TRHR: variants seen among roughly 807,000 people sequenced by gnomAD.
TRHR encodes thyrotropin-releasing hormone receptor.
In TRHR, 14 loss-of-function variants were observed where a neutral mutation model predicts 28.0. The ratio of observed to expected loss-of-function variants is 0.50; its 90% confidence interval spans 0.33 to 0.78. TRHR has a LOEUF of 0.78. Ranked by LOEUF, TRHR falls within the 30% of genes least tolerant of loss-of-function variation. The pLI, the probability that TRHR is intolerant of heterozygous loss-of-function variation, is 0.02. For synonymous variants in TRHR, 176 were observed against 171.9 expected (o/e 1.02, Z -0.18); for missense variants, 438 against 469.5 (o/e 0.93, Z 0.62).
At chr8:109,104,787 T>G (rs944992861) in intron 2 of TRHR, among the ~76,000 whole-genome samples, 1 of 151,974 alleles carries the variant, frequency 6.6e-6, no homozygotes, top group Non-Finnish European at 1.5e-5. Context: ...ACTTCAAGCA[T>G]CACTATTTAA....
intron 2 of TRHR, among the ~76,000 whole-genome samples, chr8:109,114,173 C>G (rs992647430): frequency 1.9e-4 from 29 of 152,062 alleles, no homozygotes; most frequent in Non-Finnish European, 7.4e-5. Flanking sequence ...AAATTTCCAG[C>G]TGATATTCAC....
chr8:109,089,867 A>G (rs1360393397), intron 2 of TRHR, among the ~76,000 whole-genome samples: 1 of 152,232 alleles, frequency 6.6e-6, no homozygotes, highest in Non-Finnish European at 1.5e-5. Context: ...ATTAGACTCC[A>G]ATTTGCATTC....
rs397691686 is a variant in TRHR at position 109,121,082 on chromosome 8, C to CTT, written c.*1638_*1639dup. 0.17 allele frequency among the ~76,000 whole-genome samples: 24,177 copies of CTT among 144,214 alleles called. 2,874 individuals carry two copies. Among genetic ancestry groups the CTT allele is most frequent in the African/African-American group, 0.34 (13,330 of 39,546 alleles). 94.6% of individuals were successfully genotyped at this position (144,214 alleles called of 152,430 possible). A position where few individuals can be genotyped will look rare whatever the true frequency, so the allele number is the denominator to read the frequency against. On this transcript the variant is annotated 3_prime_UTR_variant, in exon 3 of 3. Coordinates refer to ENST00000518632, the MANE Select transcript of TRHR (RefSeq NM_003301.7). ...ATCCAGAACCTCATTCTAGAGTGCG[C>CTT]TTTTTTTTTTTTGAAAATTGGCCTT...
chr8:109,087,547 C>T lies in TRHR; in HGVS notation c.35C>T (p.Thr12Ile), dbSNP rs746725588. ...ENETVSELNQTQLQPRAVVAL... is the reference protein window; with the variant it reads ...ENETVSELNQIQLQPRAVVAL... ...GAGACAGTCAGTGAACTGAACCAAA[C>T]ACAGCTTCAGCCACGAGCAGTGGTG... is the stretch of plus-strand genomic sequence containing the variant. The change falls in exon 2 of 3, where the codon ACA (threonine) becomes ATA (isoleucine). Residue 12 changes from threonine to isoleucine, a missense_variant. Thr to Ile is a moderately conservative substitution (Grantham distance 89). Coordinates refer to ENST00000518632, the MANE Select transcript of TRHR (RefSeq NM_003301.7). 1.7e-5 allele frequency: 27 copies of T among 1,614,110 alleles called. No individual in the cohort carries two copies. Among genetic ancestry groups the T allele is most frequent in the Non-Finnish European group, 2.2e-5 (26 of 1,180,054 alleles).
intron 2 of TRHR, among the ~76,000 whole-genome samples, chr8:109,090,945 CAG>C (rs1023229047): frequency 6.6e-6 from 1 of 151,696 alleles, no homozygotes; most frequent in Non-Finnish European, 1.5e-5. Context: ...GAGAAAGAGA[CAG>C]AGAGACAGAG....
intron 2 of TRHR, among the ~76,000 whole-genome samples, chr8:109,111,259 A>G: frequency 6.6e-6 from 1 of 152,216 alleles, no homozygotes; most frequent in East Asian, 1.9e-4. Flanking sequence ...AGAGCTTCCA[A>G]TTAGTGTGGA....
chr8:109,115,173 T>C (rs1811901107), intron 2 of TRHR, among the ~76,000 whole-genome samples: 1 of 152,166 alleles, frequency 6.6e-6, no homozygotes, highest in African/African-American at 2.4e-5. Context: ...CATTGATCTA[T>C]ATCTCTGTTT....
intron 2 of TRHR, among the ~76,000 whole-genome samples, chr8:109,095,407 C>A (rs1464389873): frequency 2.0e-5 from 3 of 152,026 alleles, no homozygotes; most frequent in African/African-American, 7.2e-5. Context: ...GAAAGTTCAA[C>A]AGAAAGGGGG....
At position 109,119,328 on chromosome 8, in the gene TRHR, T is replaced by C; in HGVS notation, c.1070T>C (p.Ile357Thr). 2 of 1,612,488 alleles carry C rather than the reference T, an allele frequency of 1.2e-6. No homozygotes were observed. Among genetic ancestry groups the C allele is most frequent in the Non-Finnish European group, 1.7e-6 (2 of 1,179,068 alleles). Residue 357 changes from isoleucine (I) to threonine (T), a missense_variant, in exon 3 of 3, where the codon ATC (isoleucine) becomes ACC (threonine). Physicochemically the swap from Ile to Thr is moderately conservative, Grantham distance 89. Transcript: ENST00000518632. Reference sequence around the variant, plus strand: ...AGTGTGGCCCTAAATTACAGCGTCATCAAGGAGTCAGACCATTTCAGCACA... The same window carrying C: ...AGTGTGGCCCTAAATTACAGCGTCACCAAGGAGTCAGACCATTTCAGCACA... The part of the protein sequence containing the change: ...NYSVALNYSV[I>T]KESDHFSTEL...
chr8:109,110,408 A>G (rs1223930651), intron 2 of TRHR, among the ~76,000 whole-genome samples: 2 of 148,740 alleles, frequency 1.3e-5, no homozygotes, highest in African/African-American at 2.5e-5. Context: ...TAAAAATCCT[A>G]TGTCACTTTT....
intron 2 of TRHR, among the ~76,000 whole-genome samples, chr8:109,106,928 T>C (rs1307921291): frequency 2.0e-5 from 3 of 152,084 alleles, no homozygotes; most frequent in Non-Finnish European, 2.9e-5. Context: ...TGAGAGACAA[T>C]ACATAAGTAA....
intron 2 of TRHR, 110 bp downstream of exon 2, chr8:109,088,411 A>G: frequency 1.8e-6 from 2 of 1,129,086 alleles, no homozygotes; most frequent in East Asian, 2.5e-5. Context: ...AAATACAATC[A>G]TGCAAATGTT....
intron 2 of TRHR, among the ~76,000 whole-genome samples, chr8:109,096,453 C>G (rs1260504040): frequency 6.6e-6 from 1 of 152,164 alleles, no homozygotes; most frequent in Non-Finnish European, 1.5e-5. Flanking sequence ...CATGTCTTCC[C>G]ACTCTCACTA....
chr8:109,119,352 C>T lies in TRHR; in HGVS notation c.1094C>T (p.Thr365Ile), dbSNP rs1210325107. 19 of 1,612,340 alleles carry T rather than the reference C, an allele frequency of 1.2e-5. No homozygotes were observed. Among genetic ancestry groups the T allele is most frequent in the Non-Finnish European group, 1.5e-5 (18 of 1,178,986 alleles). Residue 365 changes from threonine to isoleucine, a missense_variant, in exon 3 of 3, where the codon ACA (threonine) becomes ATA (isoleucine). Transcript: ENST00000518632. ...SVIKESDHFS[T>I]ELDDITVTDT... is the part of the protein sequence containing the mutation. ...ATCAAGGAGTCAGACCATTTCAGCA[C>T]AGAGCTTGATGATATCACTGTCACT...
At position 109,088,129 on chromosome 8, in the gene TRHR, T is replaced by C; in HGVS notation, c.617T>C (p.Leu206Pro). ...FGVFYVVPMI[L>P]ATVLYGFIAR... is the part of the protein sequence containing the mutation. ...GTCTTTTATGTTGTGCCAATGATCC[T>C]GGCTACCGTCCTCTATGGATTCATA... The change falls in exon 2 of 3, where the codon CTG becomes CCG. Residue 206 changes from leucine (L) to proline (P), a missense_variant. Coordinates refer to ENST00000518632, the MANE Select transcript of TRHR (RefSeq NM_003301.7). The C allele has an allele frequency of 6.2e-7, 1 of 1,614,240 alleles. No homozygotes were observed. The highest frequency in any genetic ancestry group is 8.5e-7 in the Non-Finnish European group (1 of 1,180,046).
At chr8:109,100,047 G>A (rs1046524230) in intron 2 of TRHR, among the ~76,000 whole-genome samples, 2 of 152,138 alleles carry the variant, frequency 1.3e-5, no homozygotes, top group Admixed American at 1.3e-4. Flanking sequence ...GATCATTTTT[G>A]TGTAGTCAAG....
intron 2 of TRHR, among the ~76,000 whole-genome samples, chr8:109,110,191 A>G (rs2129921402): frequency 6.6e-6 from 1 of 152,168 alleles, no homozygotes; most frequent in African/African-American, 2.4e-5. Context: ...TTTTTTCCCC[A>G]TTTCACTGGA....
At chr8:109,099,420 T>A (rs1171533362) in intron 2 of TRHR, among the ~76,000 whole-genome samples, 3 of 152,182 alleles carry the variant, frequency 2.0e-5, no homozygotes, top group Non-Finnish European at 4.4e-5. Flanking sequence ...CACGTTTTAG[T>A]GGATTCTCTC....
At chr8:109,095,308 G>A (rs866707145) in intron 2 of TRHR, among the ~76,000 whole-genome samples, 8 of 152,210 alleles carry the variant, frequency 5.3e-5, no homozygotes, top group Non-Finnish European at 1.2e-4. Context: ...AAAATGGGGG[G>A]AGGCTTTTGG....
Sources: gnomAD v4.1 joint callset for allele counts (sites outside exome capture counted in the v4.1 genomes callset) on GRCh38, gnomAD v4.1.1 for gene constraint, MANE v1.5 for transcripts, NCBI Gene and HGNC (gene_info 2026-07-23, HGNC 2026-07-21) for gene names.